Variants in NAALADL2 observed in about 807,000 individuals in gnomAD.
NAALADL2 encodes the protein inactive N-acetylated-alpha-linked acidic dipeptidase-like protein 2.
NAALADL2 carries 76 observed loss-of-function variants against 87.2 expected under a neutral mutation model. That is an observed-to-expected ratio of 0.87 (90% CI 0.72 to 1.05). The LOEUF is 1.05. Ranked by LOEUF, NAALADL2 falls within the 50% of genes least tolerant of loss-of-function variation. The probability of loss-of-function intolerance (pLI) is 0.00; values close to 1 mark genes in which losing one functional copy is unlikely to be tolerated. For synonymous variants in NAALADL2, 354 were observed against 331.0 expected (o/e 1.07, Z -0.75); for missense variants, 1,089 against 945.8 (o/e 1.15, Z -1.99).
At chr3:174,848,897 G>C (rs1472289105) in intron 3 of NAALADL2, among the ~76,000 whole-genome samples, 1 of 152,142 alleles carries the variant, frequency 6.6e-6, no homozygotes, top group Non-Finnish European at 1.5e-5. Context: ...CATCTAGTCT[G>C]TATGGTATAG....
At chr3:175,135,061 A>G (rs1445303989) in intron 2 of NAALADL2, among the ~76,000 whole-genome samples, 2 of 152,170 alleles carry the variant, frequency 1.3e-5, no homozygotes, top group Admixed American at 6.5e-5. Context: ...TGTTGTCTAT[A>G]GCTCTTTATT....
rs533016388 is a variant in NAALADL2, at chr3:175,802,122, A to C, written c.2190-883A>C. Among the ~76,000 whole-genome samples the C allele has an allele frequency of 9.7e-4, 143 of 147,326 alleles. 1 individual carries two copies. Among genetic ancestry groups the C allele is most frequent in the African/African-American group, 3.5e-3 (133 of 38,196 alleles). On this transcript the variant is annotated intron_variant, in intron 13 of 13. Coordinates refer to ENST00000454872, the MANE Select transcript of NAALADL2 (RefSeq NM_207015.3). Reference sequence around the variant, plus strand: ...CAAATTCCAGACATAATAACATTTCATTTGCAAATATTACAGTGTGTATTA... The same window carrying C: ...CAAATTCCAGACATAATAACATTTCCTTTGCAAATATTACAGTGTGTATTA...
At chr3:175,302,994 CATTG>C (rs1201995489) in intron 4 of NAALADL2, among the ~76,000 whole-genome samples, 1 of 151,962 alleles carries the variant, frequency 6.6e-6, no homozygotes, top group African/African-American at 2.4e-5. Flanking sequence ...AAGCAATAAA[CATTG>C]ATAATAAAAG....
chr3:174,745,739 C>G (rs1048123603), intron 3 of NAALADL2, among the ~76,000 whole-genome samples: 19 of 152,066 alleles, frequency 1.2e-4, no homozygotes, highest in Non-Finnish European at 2.5e-4. Flanking sequence ...AAAGCTTATC[C>G]AATACGATCA....
intron 11 of NAALADL2, among the ~76,000 whole-genome samples, chr3:175,710,401 C>CA (rs974922075): frequency 2.6e-5 from 4 of 151,382 alleles, no homozygotes; most frequent in African/African-American, 7.3e-5. Flanking sequence ...ATATTGAACG[C>CA]AAAAAAGGCC....
intron 9 of NAALADL2, among the ~76,000 whole-genome samples, chr3:175,480,712 AGTAG>A (rs1726332268): frequency 6.6e-6 from 1 of 151,890 alleles, no homozygotes; most frequent in Non-Finnish European, 1.5e-5. Flanking sequence ...AGTAATATTC[AGTAG>A]GTAATCATAG....
At chr3:175,294,089 A>G (rs1178318991) in intron 4 of NAALADL2, among the ~76,000 whole-genome samples, 1 of 152,200 alleles carries the variant, frequency 6.6e-6, no homozygotes, top group Non-Finnish European at 1.5e-5. Flanking sequence ...ATCCAGGGAC[A>G]TAAAATTCTA....
At chr3:175,263,672 T>G (rs1751465074) in intron 4 of NAALADL2, among the ~76,000 whole-genome samples, 1 of 151,782 alleles carries the variant, frequency 6.6e-6, no homozygotes, top group Non-Finnish European at 1.5e-5. Context: ...GAGCATCTTG[T>G]TTTTCCTAAT....
intron 10 of NAALADL2, among the ~76,000 whole-genome samples, chr3:175,591,747 A>G (rs556691763): frequency 6.7e-6 from 1 of 148,706 alleles, no homozygotes; most frequent in African/African-American, 2.5e-5. Flanking sequence ...CTAGAAATAT[A>G]TATTTATATA....
chr3:175,111,304 G>C (rs1051258154), intron 2 of NAALADL2, among the ~76,000 whole-genome samples: 1 of 151,708 alleles, frequency 6.6e-6, no homozygotes, highest in Admixed American at 6.6e-5. Flanking sequence ...GATCTCCCTT[G>C]ACCTTGGAAA....
At chr3:175,667,125 G>A (rs1482817996) in intron 11 of NAALADL2, among the ~76,000 whole-genome samples, 3 of 136,230 alleles carry the variant, frequency 2.2e-5, no homozygotes, top group South Asian at 2.3e-4. Context: ...GAGAGAGAGA[G>A]AAAAAGAAAG....
At chr3:175,491,357 G>A (rs1728076500) in intron 9 of NAALADL2, among the ~76,000 whole-genome samples, 1 of 151,012 alleles carries the variant, frequency 6.6e-6, no homozygotes, top group South Asian at 2.1e-4. Context: ...AGTAAATTTT[G>A]TCTCCCCACT....
chr3:174,712,095 T>C (rs1335852764), intron 2 of NAALADL2, among the ~76,000 whole-genome samples: 1 of 151,990 alleles, frequency 6.6e-6, no homozygotes, highest in African/African-American at 2.4e-5. Flanking sequence ...GCCTAACATA[T>C]GAATTTCTTT....
intron 10 of NAALADL2, among the ~76,000 whole-genome samples, chr3:175,578,077 C>A (rs1433722521): frequency 6.6e-6 from 1 of 151,732 alleles, no homozygotes; most frequent in Non-Finnish European, 1.5e-5. Flanking sequence ...GTTAATGGTC[C>A]AGTTACATTG....
At chr3:175,600,759 G>A (rs944928769) in intron 10 of NAALADL2, among the ~76,000 whole-genome samples, 1 of 151,532 alleles carries the variant, frequency 6.6e-6, no homozygotes, top group Non-Finnish European at 1.5e-5. Flanking sequence ...GGATGGTCTC[G>A]ATCTCCTGAC....
chr3:174,618,355 A>C (rs1305719586), intron 2 of NAALADL2, among the ~76,000 whole-genome samples: 1 of 151,790 alleles, frequency 6.6e-6, no homozygotes, highest in Non-Finnish European at 1.5e-5. Flanking sequence ...GATACAAGTA[A>C]AGAATCAAAG....
intron 9 of NAALADL2, among the ~76,000 whole-genome samples, chr3:175,548,047 C>A (rs929475297): frequency 6.6e-6 from 1 of 152,112 alleles, no homozygotes; most frequent in Non-Finnish European, 1.5e-5. Context: ...AATCCGATTT[C>A]TGGGTATATG....
Position 175,795,716 on chromosome 3 carries a change from TAA to T in NAALADL2, c.2190-7284_2190-7283del, listed in dbSNP as rs556939443. Among the ~76,000 whole-genome samples, 927 of 150,330 alleles carry T rather than the reference TAA, an allele frequency of 6.2e-3. 11 individuals are homozygous for T. The highest frequency in any genetic ancestry group is 0.022 in the African/African-American group (888 of 40,302). On this transcript the variant is annotated intron_variant, in intron 13 of 13. Transcript: ENST00000454872. ...AAAAAATAAAATAAAATAAAATAAA[TAA>T]AAAAGAACAGATTCTCATGGGAAGA...
At chr3:174,659,320 T>C (rs1055933312) in intron 2 of NAALADL2, among the ~76,000 whole-genome samples, 1 of 152,200 alleles carries the variant, frequency 6.6e-6, no homozygotes, top group African/African-American at 2.4e-5. Flanking sequence ...AAAAATAACT[T>C]GTTTTCTGAA....
Sources: allele counts gnomAD v4.1 joint callset (sites outside exome capture counted in the v4.1 genomes callset), GRCh38; gene constraint gnomAD v4.1.1; transcripts MANE v1.5; gene names NCBI Gene and HGNC (gene_info 2026-07-23, HGNC 2026-07-21).